The following TUT4 variants were observed in gnomAD, a reference collection of about 807,000 sequenced individuals.
TUT4 encodes terminal uridylyl transferase 4.
A neutral mutation model predicts 192.2 loss-of-function variants in TUT4; 36 were observed. The observed-to-expected ratio is 0.19, with a 90% CI of 0.14 to 0.25. The LOEUF (loss-of-function observed/expected upper bound fraction) is 0.25. TUT4 is among the 10% of genes least tolerant of loss of function. The pLI, the probability that TUT4 is intolerant of heterozygous loss-of-function variation, is 1.00. For missense variants in TUT4, 1,493 were observed against 1,957.2 expected, an observed-to-expected ratio of 0.76 and a Z score of 4.47; for synonymous variants, 618 against 666.0, an observed-to-expected ratio of 0.93 and a Z score of 1.11.
At chr1:52,552,044 T>C (rs1171353497) in intron 1 of TUT4, among the ~76,000 whole-genome samples, 1 of 152,164 alleles carries the variant, frequency 6.6e-6, no homozygotes, top group Non-Finnish European at 1.5e-5. Context: ...GAACTACTAC[T>C]TCTATCAAAA....
chr1:52,456,152 C>T (rs1272322335), intron 20 of TUT4, among the ~76,000 whole-genome samples: 1 of 151,934 alleles, frequency 6.6e-6, no homozygotes, highest in Admixed American at 6.6e-5. Context: ...GCCTGTAATC[C>T]CAGCACTTTG....
At chr1:52,494,146 A>C (rs989603953) in intron 6 of TUT4, among the ~76,000 whole-genome samples, 3 of 152,122 alleles carry the variant, frequency 2.0e-5, no homozygotes, top group Admixed American at 1.3e-4. Context: ...AAGAAGTAGA[A>C]TCTAATAAAT....
rs114329466 is a variant in TUT4, at chr1:52,513,729, C to T, written c.882+2162G>A. ...ACAACTGACCTTTCCTGCTTCACTC[C>T]TATGTAACTTCCCAACCAGTTCTCT... is the stretch of plus-strand genomic sequence containing the variant. On this transcript the variant is annotated intron_variant, in intron 3 of 29. Transcript: ENST00000257177. Among the ~76,000 whole-genome samples, 1,055 of 152,228 alleles carry T rather than the reference C, an allele frequency of 6.9e-3. 13 individuals are homozygous for T. Among genetic ancestry groups the T allele is most frequent in the African/African-American group, 0.024 (993 of 41,518 alleles).
chr1:52,460,893 G>A, intron 19 of TUT4: 1 of 288,674 alleles, frequency 3.5e-6, no homozygotes, highest in Non-Finnish European at 6.4e-6. Context: ...ACTGCATTGA[G>A]AAATGTTACT....
At chr1:52,482,768 T>C (rs149016628) in intron 9 of TUT4, among the ~76,000 whole-genome samples, 183 of 152,280 alleles carry the variant, frequency 1.2e-3, no homozygotes, top group African/African-American at 4.2e-3. Context: ...AATTATAGTC[T>C]ATGATATGGA....
At chr1:52,438,898 C>G (rs113981339) in intron 24 of TUT4, among the ~76,000 whole-genome samples, 10,156 of 152,064 alleles carry the variant, frequency 0.067, 1,124 homozygotes, top group African/African-American at 0.23. Context: ...GGCAAAACCC[C>G]GTCTCTACTA....
At chr1:52,534,035 T>C (rs1011559090) in intron 1 of TUT4, among the ~76,000 whole-genome samples, 3 of 152,242 alleles carry the variant, frequency 2.0e-5, no homozygotes, top group Admixed American at 6.5e-5. Flanking sequence ...TTTCATTCTA[T>C]GTAGACGGAT....
At position 52,497,148 on chromosome 1, in the gene TUT4, T is replaced by C; in HGVS notation, c.1035A>G (p.Pro345=). 6.2e-7 allele frequency: 1 copy of C among 1,611,330 alleles called. No individual in the cohort carries two copies. The highest frequency in any genetic ancestry group is 8.5e-7 in the Non-Finnish European group (1 of 1,179,226). ...KQEESELRSL[P]PPSPAHLAAL... ...CAGCCAAGTGGGCAGGGGAAGGAGG[T>C]GGCAGAGAACGAAGCTCACTTTCTT... is the stretch of plus-strand genomic sequence containing the variant. Residue 345 remains proline, a synonymous_variant, in exon 5 of 30, where the codon CCA becomes CCG. Transcript: ENST00000257177.
intron 9 of TUT4, among the ~76,000 whole-genome samples, chr1:52,483,765 G>A (rs1669093151): frequency 6.6e-6 from 1 of 152,068 alleles, no homozygotes; most frequent in South Asian, 2.1e-4. Flanking sequence ...AGCTGAGATT[G>A]CGCCACTACA....
intron 2 of TUT4, among the ~76,000 whole-genome samples, chr1:52,523,689 T>C (rs1438444012): frequency 6.6e-6 from 1 of 152,164 alleles, no homozygotes; most frequent in East Asian, 1.9e-4. Context: ...TATCTAAACA[T>C]TACCAGTATT....
intron 1 of TUT4, among the ~76,000 whole-genome samples, chr1:52,548,229 G>A (rs966464994): frequency 6.6e-6 from 1 of 152,030 alleles, no homozygotes; most frequent in African/African-American, 2.4e-5. Flanking sequence ...CACATGACTA[G>A]CACTTAATGA....
chr1:52,483,777 T>C (rs1484764863), intron 9 of TUT4, among the ~76,000 whole-genome samples: 1 of 152,078 alleles, frequency 6.6e-6, no homozygotes, highest in Non-Finnish European at 1.5e-5. Context: ...GCCACTACAC[T>C]CCAGCCTGGG....
At chr1:52,530,529 TTA>T (rs1683092715) in intron 1 of TUT4, among the ~76,000 whole-genome samples, 2 of 152,198 alleles carry the variant, frequency 1.3e-5, no homozygotes, top group South Asian at 4.1e-4. Context: ...TAAGTTATAA[TTA>T]ACGATAATCA....
intron 2 of TUT4, among the ~76,000 whole-genome samples, chr1:52,523,133 C>T (rs1680753538): frequency 6.6e-6 from 1 of 150,530 alleles, no homozygotes. Context: ...GCTTAGATTA[C>T]AGGCATGTGC....
chr1:52,455,129 CAAAA>C (rs1227676586), intron 20 of TUT4, among the ~76,000 whole-genome samples: 6 of 151,850 alleles, frequency 4.0e-5, no homozygotes, highest in Non-Finnish European at 7.4e-5. Context: ...ATAAAACATA[CAAAA>C]ACTAGCCAGA....
At chr1:52,478,562 C>T (rs76296883) in intron 11 of TUT4, among the ~76,000 whole-genome samples, 13,338 of 152,210 alleles carry the variant, frequency 0.088, 738 homozygotes, top group East Asian at 0.2. Context: ...TCAAGACCAC[C>T]TGGCCACTGG....
intron 28 of TUT4, among the ~76,000 whole-genome samples, chr1:52,429,940 ATGTG>A (rs151084510): frequency 6.6e-5 from 10 of 151,044 alleles, no homozygotes; most frequent in East Asian, 1.9e-4. Flanking sequence ...GTGTGTATAT[ATGTG>A]TGTGTGTGTG....
chr1:52,458,252 G>T, intron 20 of TUT4, 84 bp downstream of exon 20: 1 of 863,482 alleles, frequency 1.2e-6, no homozygotes, highest in Non-Finnish European at 1.8e-6. Flanking sequence ...AATCCTTCAT[G>T]ATGACATGAA....
At chr1:52,461,105 A>G (rs912680204) in intron 19 of TUT4, 29 bp downstream of exon 19, 2 of 1,506,184 alleles carry the variant, frequency 1.3e-6, no homozygotes, top group African/African-American at 2.8e-5. Context: ...ATCATGAACA[A>G]AGCAGATCAT....
Sources: gnomAD v4.1 joint callset for allele counts (sites outside exome capture counted in the v4.1 genomes callset) on GRCh38, gnomAD v4.1.1 for gene constraint, MANE v1.5 for transcripts, NCBI Gene and HGNC (gene_info 2026-07-23, HGNC 2026-07-21) for gene names.